ANKS1A: variants seen among roughly 807,000 people sequenced by gnomAD.
The protein encoded by ANKS1A is ankyrin repeat and sterile alpha motif domain containing 1A, also known as ankyrin repeat and SAM domain-containing protein 1A.
In ANKS1A, 55 loss-of-function variants were observed where a neutral mutation model predicts 120.3. The observed-to-expected ratio is 0.46, with a 90% confidence interval of 0.37 to 0.57. The LOEUF (loss-of-function observed/expected upper bound fraction) is 0.57, where lower values mean the gene tolerates loss of function less well. Among genes scored for constraint, ANKS1A ranks in the 20% least tolerant of loss-of-function variants. The pLI is 0.00. For synonymous variants in ANKS1A, 590 were observed against 604.7 expected (o/e 0.98, Z 0.36); for missense variants, 1,123 against 1,480.3 (o/e 0.76, Z 3.96).
At chr6:35,039,552 C>A (rs1419245166) in intron 11 of ANKS1A, 8 of 456,266 alleles carry the variant, frequency 1.8e-5, no homozygotes, top group African/African-American at 1.2e-4. Context: ...AGCTTTATAA[C>A]ATTTCTGTTC....
chr6:34,933,682 T>C (rs1428960905), intron 1 of ANKS1A, among the ~76,000 whole-genome samples: 1 of 152,206 alleles, frequency 6.6e-6, no homozygotes, highest in African/African-American at 2.4e-5. Context: ...ACTGTAACAG[T>C]GTTTTGGAAG....
chr6:34,892,106 T>G lies in ANKS1A; in HGVS notation c.197+2507T>G, dbSNP rs377326222. Among the ~76,000 whole-genome samples the G allele has an allele frequency of 2.0e-4, 31 of 152,326 alleles. No homozygotes were observed. In the South Asian group the frequency reaches 6.4e-3, roughly 32 times the overall value. ...GCCATAAAGTGTGTTAACTCTCTAT[T>G]CCCTAGAGTTAGAGAGCTGGCTCAC... On this transcript the variant is annotated intron_variant, in intron 1 of 23. Transcript: ENST00000360359.
chr6:34,890,361 AT>A (rs1465481783), intron 1 of ANKS1A, among the ~76,000 whole-genome samples: 26 of 152,334 alleles, frequency 1.7e-4, no homozygotes, highest in African/African-American at 6.0e-4. Context: ...AAGTGCTGGG[AT>A]TACAGGCGTG....
rs77339510 is a variant in ANKS1A at position 35,070,223 on chromosome 6, C to T, written c.2185-8335C>T. Among the ~76,000 whole-genome samples the T allele has an allele frequency of 3.2e-4, 48 of 152,150 alleles. No individual in the cohort carries two copies. In the East Asian group the frequency reaches 8.7e-3, roughly 28 times the overall value. ...GTATTGGTGGCAGTGTCGTCATTTT[C>T]AGCTCTTGCAGTCTGGTGCCTCTCT... On this transcript the variant is annotated intron_variant, in intron 13 of 23. Coordinates refer to ENST00000360359, the MANE Select transcript of ANKS1A (RefSeq NM_015245.3).
chr6:35,048,818 G>A (rs754446730), intron 11 of ANKS1A, among the ~76,000 whole-genome samples: 90 of 152,310 alleles, frequency 5.9e-4, no homozygotes, highest in Non-Finnish European at 1.1e-3. Context: ...TGATGGGATC[G>A]GCACAGAGCA....
chr6:34,949,718 A>G (rs1219189280), intron 1 of ANKS1A, among the ~76,000 whole-genome samples: 5 of 152,194 alleles, frequency 3.3e-5, no homozygotes, highest in African/African-American at 9.7e-5. Flanking sequence ...TACAATTCGT[A>G]CAATGTCTTC....
In ANKS1A at chr6:35,071,151, A is replaced by C. The variant is rs1777066619; in HGVS notation, c.2185-7407A>C. On this transcript the variant is annotated intron_variant, in intron 13 of 23. Transcript: ENST00000360359. The stretch of plus-strand genomic sequence containing the variant: ...TCCACTTGTGACCTGTAAGGCCACC[A>C]CCCCCAAACTTCAGCTTTGAGTTGT... 2.2e-5 allele frequency: 6 copies of C among 270,088 alleles called. No homozygotes were observed. The South Asian group carries it at 2.4e-4, about 11-fold the overall frequency. 16.7% of individuals were successfully genotyped at this position (270,088 alleles called of 1,614,324 possible). A position where few individuals can be genotyped will look rare whatever the true frequency, so the allele number is the denominator to read the frequency against.
intron 9 of ANKS1A, among the ~76,000 whole-genome samples, chr6:34,992,866 A>G (rs895641515): frequency 6.6e-6 from 1 of 152,236 alleles, no homozygotes; most frequent in African/African-American, 2.4e-5. Context: ...GTCTGACGCT[A>G]CTAGAGTCCT....
Position 35,017,356 on chromosome 6 carries a change from TTCTC to T in ANKS1A, c.1424-111_1424-108del, listed in dbSNP as rs373723898. 2,401 of 1,075,388 alleles carry T rather than the reference TTCTC, an allele frequency of 2.2e-3. 29 individuals are homozygous for T. In the East Asian group the frequency reaches 0.025, roughly 11 times the overall value. The allele number at this position is 1,075,388 out of a possible 1,614,324, so 66.6% of individuals were successfully genotyped here. ...TCTCCCCCTCCCCAGCCTATCCAGT[TTCTC>T]TCTCTGTTTCTCTGTGAATTCCTCT... is the stretch of plus-strand genomic sequence containing the variant. On this transcript the variant is annotated intron_variant, in intron 10 of 23. Transcript: ENST00000360359.
chr6:35,070,107 C>G (rs897627425), intron 13 of ANKS1A, among the ~76,000 whole-genome samples: 1 of 151,716 alleles, frequency 6.6e-6, no homozygotes, highest in Non-Finnish European at 1.5e-5. Flanking sequence ...GGAGGCAGTC[C>G]TCCCAAAGTG....
chr6:34,910,152 A>G (rs533308151), intron 1 of ANKS1A, among the ~76,000 whole-genome samples: 1 of 152,380 alleles, frequency 6.6e-6, no homozygotes, highest in African/African-American at 2.4e-5. Flanking sequence ...GAAGGAAGGC[A>G]GTACCAGTGA....
At chr6:34,903,809 C>CTATA (rs1262646513) in intron 1 of ANKS1A, among the ~76,000 whole-genome samples, 3 of 151,864 alleles carry the variant, frequency 2.0e-5, no homozygotes, top group African/African-American at 7.3e-5. Flanking sequence ...GCCACTGTGC[C>CTATA]CAGCCCATCT....
chr6:34,986,341 A>G (rs1772200904), intron 8 of ANKS1A, among the ~76,000 whole-genome samples: 1 of 152,152 alleles, frequency 6.6e-6, no homozygotes, highest in African/African-American at 2.4e-5. Flanking sequence ...CCCTAGGGTT[A>G]TGTTGGGAGT....
chr6:35,077,244 G>A (rs1374473161), intron 13 of ANKS1A, among the ~76,000 whole-genome samples: 2 of 152,172 alleles, frequency 1.3e-5, no homozygotes, highest in Non-Finnish European at 2.9e-5. Flanking sequence ...CGACACTCAC[G>A]GGGAGGGTGT....
At chr6:34,922,807 C>T (rs768008124) in intron 1 of ANKS1A, among the ~76,000 whole-genome samples, 16 of 151,562 alleles carry the variant, frequency 1.1e-4, no homozygotes, top group Non-Finnish European at 1.8e-4. Context: ...GATTCCCCTG[C>T]CTCAGCCTGC....
chr6:34,994,109 C>T (rs576754362), intron 9 of ANKS1A, among the ~76,000 whole-genome samples, 193 bp from the exon 10 acceptor site: 1 of 152,188 alleles, frequency 6.6e-6, no homozygotes, highest in African/African-American at 2.4e-5. Flanking sequence ...AATCAAAGGC[C>T]TTTCAGATTG....
intron 13 of ANKS1A, among the ~76,000 whole-genome samples, chr6:35,072,301 C>T (rs1777123527): frequency 6.6e-6 from 1 of 152,344 alleles, no homozygotes; most frequent in South Asian, 2.1e-4. Flanking sequence ...TCCTTCCGTT[C>T]GCCTGGGCCT....
Position 35,084,971 on chromosome 6 carries a change from A to G in ANKS1A, c.3132+713A>G, listed in dbSNP as rs956302705. Among the ~76,000 whole-genome samples, 12 of 152,180 alleles carry G rather than the reference A, an allele frequency of 7.9e-5. No homozygotes were observed. Among genetic ancestry groups the G allele is most frequent in the African/African-American group, 2.7e-4 (11 of 41,444 alleles). ...CCCCGGGAGGAAGTCAGAGGGGTCCAGGTCTCTGCCGCCCTCAGGGATAGC... is the reference window on the plus strand; with the variant it reads ...CCCCGGGAGGAAGTCAGAGGGGTCCGGGTCTCTGCCGCCCTCAGGGATAGC... On this transcript the variant is annotated intron_variant, in intron 21 of 23. Coordinates refer to ENST00000360359, the MANE Select transcript of ANKS1A (RefSeq NM_015245.3). This position sits in a 1 kb window ranked among gnomAD's most constrained non-coding sequence, Gnocchi z 4.8.
intron 1 of ANKS1A, among the ~76,000 whole-genome samples, chr6:34,915,634 A>G (rs1360978928): frequency 6.6e-6 from 1 of 152,110 alleles, no homozygotes; most frequent in Non-Finnish European, 1.5e-5. Context: ...GGCATGCTGT[A>G]TCTTTGTTTT....
Sources: allele counts gnomAD v4.1 joint callset (sites outside exome capture counted in the v4.1 genomes callset), GRCh38; gene constraint gnomAD v4.1.1; non-coding constraint Gnocchi (gnomAD v3.1); transcripts MANE v1.5; gene names NCBI Gene and HGNC (gene_info 2026-07-23, HGNC 2026-07-21).